TTC7A: variants seen among roughly 807,000 people sequenced by gnomAD.
TTC7A encodes the protein tetratricopeptide repeat domain 7A.
A neutral mutation model predicts 103.7 loss-of-function variants in TTC7A; 110 were observed. The observed-to-expected ratio is 1.06, with a 90% confidence interval of 0.91 to 1.24. The LOEUF is 1.24. Among genes scored for constraint, TTC7A ranks in the 50% most tolerant of loss-of-function variants. The probability of loss-of-function intolerance (pLI) is 0.00; values close to 1 mark genes in which losing one functional copy is unlikely to be tolerated. For synonymous variants in TTC7A, 521 were observed against 467.9 expected (o/e 1.11, Z -1.47); for missense variants, 1,340 against 1,116.3 (o/e 1.20, Z -2.86).
chr2:47,011,425 C>A lies in TTC7A; in HGVS notation c.1382C>A (p.Ser461Tyr). ...ATGGCCGCGAAGGTCTGCATCGGGT[C>A]CCTTCGCTGGGTGAGTGAGCTGTGA... is the stretch of plus-strand genomic sequence containing the variant. ...PLMAAKVCIG[S>Y]LRWLEEAEHF... The change falls in exon 11 of 20, where the codon TCC becomes TAC. Residue 461 changes from serine (S) to tyrosine (Y), a missense_variant. Physicochemically the swap from Ser to Tyr is moderately radical, Grantham distance 144 (BLOSUM62 -2). Transcript: ENST00000319190. 1 of 1,606,430 alleles carries A rather than the reference C, an allele frequency of 6.2e-7. No individual in the cohort carries two copies. Among genetic ancestry groups the A allele is most frequent in the Non-Finnish European group, 8.5e-7 (1 of 1,179,498 alleles).
intron 11 of TTC7A, among the ~76,000 whole-genome samples, chr2:47,016,387 T>G (rs562523792): frequency 2.0e-5 from 3 of 152,340 alleles, no homozygotes; most frequent in African/African-American, 7.2e-5. Context: ...ATAGGTCGCT[T>G]CAGCTCAGCT....
chr2:46,988,444 T>C (rs771735987), intron 5 of TTC7A, among the ~76,000 whole-genome samples: 11 of 152,250 alleles, frequency 7.2e-5, no homozygotes, highest in Admixed American at 3.3e-4. Context: ...TTCTGGGTCT[T>C]TGACTGGTAA....
chr2:46,991,164 C>T (rs1675585246), intron 5 of TTC7A, among the ~76,000 whole-genome samples: 1 of 151,950 alleles, frequency 6.6e-6, no homozygotes, highest in Non-Finnish European at 1.5e-5. Context: ...GATCCGCCAG[C>T]CTCGGCCTCC....
In TTC7A at chr2:47,049,935, C is replaced by T; in HGVS notation, c.1920-14C>T. The T allele has an allele frequency of 6.2e-7, 1 of 1,612,350 alleles. No individual in the cohort carries two copies. The highest frequency in any genetic ancestry group is 8.5e-7 in the Non-Finnish European group (1 of 1,178,518). On this transcript the variant is annotated splice_polypyrimidine_tract_variant and intron_variant, in intron 16 of 19. Transcript: ENST00000319190. Reference sequence around the variant, plus strand: ...CTCTACCTTACCGGACCCTGGCCCTCTTTTGCCTTCCAGAGGCCTAGAAAA... The same window carrying T: ...CTCTACCTTACCGGACCCTGGCCCTTTTTTGCCTTCCAGAGGCCTAGAAAA...
intron 3 of TTC7A, among the ~76,000 whole-genome samples, chr2:46,960,844 C>T (rs1480514782): frequency 1.7e-5 from 2 of 117,678 alleles, no homozygotes; most frequent in African/African-American, 7.3e-5. Context: ...TTACAGTTGC[C>T]TCCAAGATGG....
chr2:46,976,994 A>G (rs945170575), intron 4 of TTC7A, among the ~76,000 whole-genome samples: 2 of 152,222 alleles, frequency 1.3e-5, no homozygotes, highest in African/African-American at 4.8e-5. Context: ...GGTCACTGCT[A>G]GACAGTAGTA....
At position 46,990,871 on chromosome 2, in the gene TTC7A, G is replaced by A. The variant is rs570428711; in HGVS notation, c.765-2579G>A. 3.3e-5 allele frequency among the ~76,000 whole-genome samples: 5 copies of A among 152,280 alleles called. No homozygotes were observed. In the East Asian group the frequency reaches 9.6e-4, roughly 29 times the overall value. On this transcript the variant is annotated intron_variant, in intron 5 of 19. Transcript: ENST00000319190. Reference sequence around the variant, plus strand: ...GAGTGTCCATCAGAACCCCCCTGGTGATCTGATAAAGCCCAGATTGCTGGG... The same window carrying A: ...GAGTGTCCATCAGAACCCCCCTGGTAATCTGATAAAGCCCAGATTGCTGGG...
At chr2:46,934,945 C>T (rs772110307) in intron 2 of TTC7A, among the ~76,000 whole-genome samples, 7 of 151,504 alleles carry the variant, frequency 4.6e-5, no homozygotes, top group African/African-American at 9.7e-5. Flanking sequence ...GAACTACAGG[C>T]GCGCACCACC....
rs35548270 is a variant in TTC7A, at chr2:46,954,566, C to CTTTTT, written c.349-2257_349-2253dup. On this transcript the variant is annotated intron_variant, in intron 2 of 19. Coordinates refer to ENST00000319190, the MANE Select transcript of TTC7A (RefSeq NM_020458.4). ...TAGATATCCTTTCAGAACTAAGAGC[C>CTTTTT]TTTTTTTTTTTTTTTTTTTTGAGAC... is the stretch of plus-strand genomic sequence containing the variant. Among the ~76,000 whole-genome samples, 90 of 121,292 alleles carry CTTTTT rather than the reference C, an allele frequency of 7.4e-4. 2 individuals are homozygous for CTTTTT. The highest frequency in any genetic ancestry group is 2.4e-3 in the African/African-American group (70 of 29,610). The allele number at this position is 121,292 out of a possible 152,430, so 79.6% of individuals were successfully genotyped here. A position where few individuals can be genotyped will look rare whatever the true frequency, so the allele number is the denominator to read the frequency against.
At chr2:47,020,165 G>C (rs1201407916) in intron 11 of TTC7A, among the ~76,000 whole-genome samples, 4 of 152,204 alleles carry the variant, frequency 2.6e-5, no homozygotes, top group African/African-American at 9.7e-5. Flanking sequence ...GAGCGGGGAG[G>C]AGCGGGGGTC....
chr2:46,981,991 G>A lies in TTC7A; in HGVS notation c.764+3084G>A, dbSNP rs111379637. Among the ~76,000 whole-genome samples the A allele has an allele frequency of 1.2e-3, 189 of 152,342 alleles. 1 individual carries two copies. Among genetic ancestry groups the A allele is most frequent in the African/African-American group, 4.4e-3 (181 of 41,574 alleles). On this transcript the variant is annotated intron_variant, in intron 5 of 19. Transcript: ENST00000319190. The stretch of plus-strand genomic sequence containing the variant: ...CAGCAGGACCCTTGACCCAGGGGAG[G>A]CCTGTGCCCTTTTCTCTTTCTCTCC...
rs1674132214 is a variant in TTC7A, at chr2:46,978,790, A to G, written c.649-2A>G. The stretch of plus-strand genomic sequence containing the variant: ...TGGCTCTCTCTCTGTTTCCCTTCCC[A>G]GACCACAAATAACAGCACGTCGAGG... On this transcript the variant is annotated splice_acceptor_variant, in intron 4 of 19. Coordinates refer to ENST00000319190, the MANE Select transcript of TTC7A (RefSeq NM_020458.4). LOFTEE classifies it high-confidence loss of function. 1.2e-6 allele frequency: 2 copies of G among 1,613,220 alleles called. No homozygotes were observed. Among genetic ancestry groups the G allele is most frequent in the South Asian group, 1.1e-5 (1 of 91,064 alleles).
In TTC7A at chr2:47,024,291, C is replaced by T; in HGVS notation, c.1573C>T (p.Gln525Ter). The part of the protein sequence containing the change: ...RKALQTLERA[Q>*]QLAPSDPQVI... ...TCACTCCCTCTCCCCACACAGGGCT[C>T]AGCAGCTGGCGCCCAGTGACCCCCA... The change falls in exon 14 of 20, where the codon CAG (glutamine) becomes TAG (stop). Residue 525 changes from glutamine to a stop codon, truncating the protein, a stop_gained. Transcript: ENST00000319190. LOFTEE classifies it high-confidence loss of function. The T allele has an allele frequency of 1.2e-6, 2 of 1,605,380 alleles. No individual in the cohort carries two copies. Among genetic ancestry groups the T allele is most frequent in the Non-Finnish European group, 1.7e-6 (2 of 1,175,700 alleles).
chr2:47,026,454 G>T (rs1679925978), intron 14 of TTC7A, among the ~76,000 whole-genome samples: 1 of 152,180 alleles, frequency 6.6e-6, no homozygotes, highest in Non-Finnish European at 1.5e-5. Flanking sequence ...CAGAGGCCAG[G>T]CTGGAGACCA....
chr2:47,058,452 GA>G (rs912168726), intron 18 of TTC7A, among the ~76,000 whole-genome samples: 1 of 152,230 alleles, frequency 6.6e-6, no homozygotes, highest in Non-Finnish European at 1.5e-5. Flanking sequence ...TGCCTACTGG[GA>G]CAGGAAGAGG....
At chr2:47,009,670 C>T (rs746814927) in intron 10 of TTC7A, among the ~76,000 whole-genome samples, 7 of 152,156 alleles carry the variant, frequency 4.6e-5, no homozygotes, top group Admixed American at 6.5e-5. Flanking sequence ...CCAGAGCCTC[C>T]GTTTCCTTCT....
intron 6 of TTC7A, 71 bp downstream of exon 6, chr2:46,993,599 C>T (rs1158884136): frequency 2.1e-6 from 3 of 1,462,156 alleles, no homozygotes. Context: ...GAAGTCCTTG[C>T]AGGGAGCCTG....
intron 15 of TTC7A, 144 bp downstream of exon 15, chr2:47,029,528 G>A: frequency 1.0e-6 from 1 of 976,448 alleles, no homozygotes; most frequent in Non-Finnish European, 1.5e-6. Flanking sequence ...TGGAGAGACA[G>A]GGGTGAGGAC....
At chr2:47,017,317 C>T (rs1039059926) in intron 11 of TTC7A, among the ~76,000 whole-genome samples, 2 of 151,010 alleles carry the variant, frequency 1.3e-5, no homozygotes, top group Non-Finnish European at 2.9e-5. Context: ...GAGTTCCAGA[C>T]AAGCCTGGAC....
Sources: allele counts gnomAD v4.1 joint callset (sites outside exome capture counted in the v4.1 genomes callset), GRCh38; gene constraint gnomAD v4.1.1; transcripts MANE v1.5; gene names NCBI Gene and HGNC (gene_info 2026-07-23, HGNC 2026-07-21).